CUL7: variants seen among roughly 807,000 people sequenced by gnomAD.
The protein encoded by CUL7 is cullin 7, also known as cullin-7.
In CUL7, 96 loss-of-function variants were observed where a neutral mutation model predicts 177.7. The observed-to-expected ratio is 0.54, with a 90% CI of 0.46 to 0.64. The LOEUF is 0.64. Ranked by LOEUF, CUL7 falls within the 30% of genes least tolerant of loss-of-function variation. The pLI is 0.00. For missense variants in CUL7, 1,893 were observed against 2,187.9 expected (o/e 0.87, Z 2.69); for synonymous variants, 824 against 890.2 (o/e 0.93, Z 1.32).
Position 43,045,016 on chromosome 6 carries a change from C to T in CUL7, c.3039-131G>A. 2 of 1,404,298 alleles carry T rather than the reference C, an allele frequency of 1.4e-6. No individual in the cohort carries two copies. Among genetic ancestry groups the T allele is most frequent in the South Asian group, 1.3e-5 (1 of 76,646 alleles). 87.0% of individuals were successfully genotyped at this position (1,404,298 alleles called of 1,614,324 possible). A position where few individuals can be genotyped will look rare whatever the true frequency, so the allele number is the denominator to read the frequency against. On this transcript the variant is annotated intron_variant, in intron 15 of 25. Coordinates refer to ENST00000265348, the MANE Select transcript of CUL7 (RefSeq NM_014780.5). The surrounding 1 kb of genome is among the most constrained non-coding windows in gnomAD (Gnocchi z 4.8). Reference sequence around the variant, plus strand: ...GGCCCCCTGGTACTTCAGAACTGCTCTGTGCTAACTGGTATATCCCATTCC... The same window carrying T: ...GGCCCCCTGGTACTTCAGAACTGCTTTGTGCTAACTGGTATATCCCATTCC...
chr6:43,051,866 G>A lies in CUL7; in HGVS notation c.581-103C>T, dbSNP rs1764439292. ...TCCAATCCTTTTGCCACCACACAATGAGAAAGAACTGATTTGCTTCAAAAG... is the reference window on the plus strand; with the variant it reads ...TCCAATCCTTTTGCCACCACACAATAAGAAAGAACTGATTTGCTTCAAAAG... On this transcript the variant is annotated intron_variant, in intron 2 of 25. Transcript: ENST00000265348. This position sits in a 1 kb window ranked among gnomAD's most constrained non-coding sequence, Gnocchi z 5.0. 1.4e-6 allele frequency: 2 copies of A among 1,433,208 alleles called. No individual in the cohort carries two copies. The highest frequency in any genetic ancestry group is 2.3e-5 in the East Asian group (1 of 44,020). The allele number at this position is 1,433,208 out of a possible 1,614,324, so 88.8% of individuals were successfully genotyped here.
Position 43,044,860 on chromosome 6 carries a change from G to A in CUL7, c.3064C>T (p.Gln1022Ter), listed in dbSNP as rs1451502922. 3.1e-6 allele frequency: 5 copies of A among 1,613,768 alleles called. No individual in the cohort carries two copies. The highest frequency in any genetic ancestry group is 3.4e-6 in the Non-Finnish European group (4 of 1,179,780). The part of the protein sequence containing the change: ...SRLNGALRQE[Q>*]NFADRFLPDD... ...GGGAGGAAGCGGTCAGCAAAATTCT[G>A]CTCCTGGCGCAGAGCACCGTTGAGT... Residue 1022 changes from glutamine (Q) to a stop codon, truncating the protein, a stop_gained, in exon 16 of 26, where the codon CAG becomes TAG. Coordinates refer to ENST00000265348, the MANE Select transcript of CUL7 (RefSeq NM_014780.5). LOFTEE classifies it high-confidence loss of function.
In CUL7 at chr6:43,042,986, TGGAA is replaced by T; in HGVS notation, c.3463-6_3463-3del. ...GGATGAGGTCAGAAAATTGTTCACC[TGGAA>T]GGAAGGGGCAGGAGCATGAAGACAC... On this transcript the variant is annotated splice_region_variant and splice_polypyrimidine_tract_variant and intron_variant, in intron 18 of 25. Coordinates refer to ENST00000265348, the MANE Select transcript of CUL7 (RefSeq NM_014780.5). 6.2e-7 allele frequency: 1 copy of T among 1,614,168 alleles called. No homozygotes were observed.
Position 43,051,669 on chromosome 6 carries a change from A to G in CUL7, c.675T>C (p.Phe225=). The G allele has an allele frequency of 6.2e-7, 1 of 1,614,164 alleles. No homozygotes were observed. The highest frequency in any genetic ancestry group is 8.5e-7 in the Non-Finnish European group (1 of 1,180,030). ...FDSRCALLAL[F]AQATLSEHPM... The stretch of plus-strand genomic sequence containing the variant: ...GGTGTTCAGAGAGCGTGGCCTGTGC[A>G]AACAGTGCTAGCAGAGCACAGCGGC... The change falls in exon 3 of 26, where the codon TTT becomes TTC. Residue 225 remains phenylalanine, a synonymous_variant. Transcript: ENST00000265348. This position sits in a 1 kb window ranked among gnomAD's most constrained non-coding sequence, Gnocchi z 5.0.
chr6:43,052,708 G>A lies in CUL7; in HGVS notation c.81C>T (p.Arg27=). The change falls in exon 2 of 26, where the codon CGC becomes CGT. Residue 27 remains arginine (R), a synonymous_variant. Coordinates refer to ENST00000265348, the MANE Select transcript of CUL7 (RefSeq NM_014780.5). This position sits in a 1 kb window ranked among gnomAD's most constrained non-coding sequence, Gnocchi z 4.5. ...GATGCCCATCATGGCCCACGCGCTG[G>A]CGGATCAGCTCATCAGGATAGGCAT... ...GLHAYPDELI[R]QRVGHDGHPE... 1 of 1,613,450 alleles carries A rather than the reference G, an allele frequency of 6.2e-7. No individual in the cohort carries two copies. Among genetic ancestry groups the A allele is most frequent in the Non-Finnish European group, 8.5e-7 (1 of 1,180,046 alleles).
In CUL7 at chr6:43,038,839, C is replaced by T. The variant is rs368643336; in HGVS notation, c.4440+3G>A. On this transcript the variant is annotated splice_donor_region_variant and intron_variant, in intron 23 of 25. Coordinates refer to ENST00000265348, the MANE Select transcript of CUL7 (RefSeq NM_014780.5). ...GGAGAGAGGTGCAGCGGGGCTGGGC[C>T]ACCTTCAGGTCGTTGAGATACAGCA... 2.4e-5 allele frequency: 38 copies of T among 1,614,058 alleles called. No homozygotes were observed. Among genetic ancestry groups the T allele is most frequent in the Admixed American group, 3.3e-5 (2 of 59,998 alleles).
chr6:43,039,620 C>T (rs1763239582), intron 22 of CUL7, among the ~76,000 whole-genome samples: 1 of 152,094 alleles, frequency 6.6e-6, no homozygotes, highest in Admixed American at 6.6e-5. Context: ...AGCTCCTGCC[C>T]TTTGTTCTCA....
In CUL7 at chr6:43,045,633, G is replaced by A; in HGVS notation, c.2816C>T (p.Thr939Ile). The change falls in exon 14 of 26, where the codon ACC (threonine) becomes ATC (isoleucine). Residue 939 changes from threonine to isoleucine, a missense_variant. Thr to Ile is a moderately conservative substitution (Grantham distance 89, BLOSUM62 -1). This residue lies in a region of CUL7 where 973 missense variants were observed against 1,140.9 expected (regional missense o/e 0.85). Transcript: ENST00000265348. The surrounding 1 kb of genome is among the most constrained non-coding windows in gnomAD (Gnocchi z 4.8). ...ASRVILLENL[T>I]RFWPIIQIRI... The stretch of plus-strand genomic sequence containing the variant: ...GATCTGGATGATGGGCCAGAAGCGG[G>A]TCAGGTTCTCCAGGAGGATCACCCG... 1 of 1,614,194 alleles carries A rather than the reference G, an allele frequency of 6.2e-7. No individual in the cohort carries two copies. The highest frequency in any genetic ancestry group is 1.1e-5 in the South Asian group (1 of 91,088).
At chr6:43,041,130 T>C (rs551284563) in intron 19 of CUL7, 55 bp from the exon 20 acceptor site, 1 of 1,586,900 alleles carries the variant, frequency 6.3e-7, no homozygotes, top group East Asian at 2.2e-5. Context: ...AGCAGGTGAG[T>C]GGGGAGGAGG....
At position 43,052,552 on chromosome 6, in the gene CUL7, G is replaced by A. The variant is rs761756841; in HGVS notation, c.237C>T (p.His79=). 1.2e-6 allele frequency: 2 copies of A among 1,614,224 alleles called. No homozygotes were observed. Among genetic ancestry groups the A allele is most frequent in the East Asian group, 2.2e-5 (1 of 44,886 alleles). ...CCTGGCCATCCTCGCCCAGCATCTT[G>A]TGGCAGTTGGCATAGATCTCATCCT... ...MSKDEIYANC[H]KMLGEDGQVI... is the part of the protein sequence containing the mutation. Residue 79 remains histidine, a synonymous_variant, in exon 2 of 26, where the codon CAC becomes CAT. Coordinates refer to ENST00000265348, the MANE Select transcript of CUL7 (RefSeq NM_014780.5). The surrounding 1 kb of genome is among the most constrained non-coding windows in gnomAD (Gnocchi z 4.5).
Position 43,053,504 on chromosome 6 carries a change from C to T in CUL7, c.-9+118G>A. ...AAGGTGGGGGAGAGGGGATTAGGCC[C>T]CATAAGCTAGAACCCCGAGGCACGG... On this transcript the variant is annotated intron_variant, in intron 1 of 25. Coordinates refer to ENST00000265348, the MANE Select transcript of CUL7 (RefSeq NM_014780.5). This position sits in a 1 kb window ranked among gnomAD's most constrained non-coding sequence, Gnocchi z 4.1. 1.5e-6 allele frequency: 1 copy of T among 658,122 alleles called. No individual in the cohort carries two copies. The highest frequency in any genetic ancestry group is 2.3e-6 in the Non-Finnish European group (1 of 440,162). The allele number at this position is 658,122 out of a possible 1,614,324, so 40.8% of individuals were successfully genotyped here.
chr6:43,046,939 C>T lies in CUL7; in HGVS notation c.2338G>A (p.Glu780Lys). The T allele has an allele frequency of 1.2e-6, 2 of 1,613,762 alleles. No homozygotes were observed. The highest frequency in any genetic ancestry group is 1.7e-6 in the Non-Finnish European group (2 of 1,179,676). ...QELRDMVFKC[E>K]KHAHLYRKLI... The stretch of plus-strand genomic sequence containing the variant: ...TTGCGGTAGAGGTGGGCATGCTTCT[C>T]ACACTTGAACACCATGTCCCGCAGC... Residue 780 changes from glutamate (E) to lysine (K), a missense_variant, in exon 10 of 26, where the codon GAG becomes AAG. Physicochemically the swap from Glu to Lys is moderately conservative, Grantham distance 56. Around this residue, in one of 5 missense-constraint regions of CUL7, gnomAD observed 973 missense variants for 1,140.9 expected, o/e 0.85. Transcript: ENST00000265348.
intron 7 of CUL7, 71 bp downstream of exon 7, chr6:43,049,336 T>A (rs545134250): frequency 1.2e-6 from 2 of 1,600,054 alleles, no homozygotes; most frequent in East Asian, 4.5e-5. Context: ...TGCATAAAAA[T>A]CAGCACAGAC....
chr6:43,052,023 C>A lies in CUL7; in HGVS notation c.580+186G>T, dbSNP rs1764453575. The A allele has an allele frequency of 1.8e-6, 2 of 1,128,636 alleles. No individual in the cohort carries two copies. Among genetic ancestry groups the A allele is most frequent in the African/African-American group, 3.1e-5 (2 of 63,960 alleles). The allele number at this position is 1,128,636 out of a possible 1,614,324, so 69.9% of individuals were successfully genotyped here. On this transcript the variant is annotated intron_variant, in intron 2 of 25. Coordinates refer to ENST00000265348, the MANE Select transcript of CUL7 (RefSeq NM_014780.5). This position sits in a 1 kb window ranked among gnomAD's most constrained non-coding sequence, Gnocchi z 4.5. ...ATGAGGTTCTTGAAGATAGTCTTTC[C>A]TCTTTTGGCAGATAACCCCCACCCT... is the stretch of plus-strand genomic sequence containing the variant.
chr6:43,040,703 G>A lies in CUL7; in HGVS notation c.3850C>T (p.Leu1284=). 1 of 1,614,174 alleles carries A rather than the reference G, an allele frequency of 6.2e-7. No homozygotes were observed. Among genetic ancestry groups the A allele is most frequent in the Non-Finnish European group, 8.5e-7 (1 of 1,180,050 alleles). ...ATCTGCTCCAGCACGGCCCCCTCCA[G>A]CCAGCTCGAGACCACGCCCAGGAGA... ...DRLLGVVSSW[L]EGAVLEQIGP... is the part of the protein sequence containing the mutation. The change falls in exon 21 of 26, where the codon CTG becomes TTG. Residue 1284 remains leucine, a synonymous_variant. Coordinates refer to ENST00000265348, the MANE Select transcript of CUL7 (RefSeq NM_014780.5). The surrounding 1 kb of genome is among the most constrained non-coding windows in gnomAD (Gnocchi z 4.2).
Position 43,043,606 on chromosome 6 carries a change from C to G in CUL7, c.3197G>C (p.Gly1066Ala). The G allele has an allele frequency of 6.2e-7, 1 of 1,611,192 alleles. No individual in the cohort carries two copies. Among genetic ancestry groups the G allele is most frequent in the South Asian group, 1.1e-5 (1 of 90,630 alleles). Reference sequence around the variant, plus strand: ...CTCCAGGTACTGGTCCAGCAGCCAACCCAGGGGGCTAATGCCATCCTCATC... The same window carrying G: ...CTCCAGGTACTGGTCCAGCAGCCAAGCCAGGGGGCTAATGCCATCCTCATC... ...SPDEDGISPL[G>A]WLLDQYLECQ... The change falls in exon 17 of 26, where the codon GGT (glycine) becomes GCT (alanine). Residue 1066 changes from glycine (G) to alanine (A), a missense_variant. Gly to Ala is a moderately conservative substitution (Grantham distance 60, BLOSUM62 0). Coordinates refer to ENST00000265348, the MANE Select transcript of CUL7 (RefSeq NM_014780.5). This position sits in a 1 kb window ranked among gnomAD's most constrained non-coding sequence, Gnocchi z 4.2.
In CUL7 at chr6:43,040,192, C is replaced by T. The variant is rs369391720; in HGVS notation, c.4258G>A (p.Gly1420Ser). 15 of 1,614,060 alleles carry T rather than the reference C, an allele frequency of 9.3e-6. No homozygotes were observed. The highest frequency in any genetic ancestry group is 1.3e-5 in the African/African-American group (1 of 74,912). Residue 1420 changes from glycine (G) to serine (S), a missense_variant, in exon 22 of 26, where the codon GGC (glycine) becomes AGC (serine). Coordinates refer to ENST00000265348, the MANE Select transcript of CUL7 (RefSeq NM_014780.5). This position sits in a 1 kb window ranked among gnomAD's most constrained non-coding sequence, Gnocchi z 4.2. ...PRTCLPSYLR[G>S]TLNRYSNFYN... The stretch of plus-strand genomic sequence containing the variant: ...AAGTTGGAGTATCTGTTCAAAGTGC[C>T]CCTCAGGTAGGAGGGCAGGCAGGTT...
chr6:43,041,110 G>A, intron 19 of CUL7, 35 bp from the exon 20 acceptor site: 1 of 1,609,390 alleles, frequency 6.2e-7, no homozygotes. Flanking sequence ...AGCCATGAAT[G>A]AGCGAGCAGA....
chr6:43,046,880 C>T lies in CUL7; in HGVS notation c.2397G>A (p.Gln799=). The change falls in exon 10 of 26, where the codon CAG becomes CAA. Residue 799 remains glutamine (Q), a splice_region_variant and synonymous_variant. Transcript: ENST00000265348. ...LITNILGGCI[Q]MVLGQIEDHR... Reference sequence around the variant, plus strand: ...CCCACAAGCTCCCCTTCCTCCTGACCTGGATGCAGCCTCCCAGGATGTTGG... The same window carrying T: ...CCCACAAGCTCCCCTTCCTCCTGACTTGGATGCAGCCTCCCAGGATGTTGG... 1 of 1,587,596 alleles carries T rather than the reference C, an allele frequency of 6.3e-7. No homozygotes were observed. Among genetic ancestry groups the T allele is most frequent in the Non-Finnish European group, 8.7e-7 (1 of 1,155,830 alleles).
Sources: gnomAD v4.1 joint callset for allele counts (sites outside exome capture counted in the v4.1 genomes callset) on GRCh38, gnomAD v4.1.1 for gene constraint, gnomAD v4.1.1 regional missense constraint, Gnocchi (gnomAD v3.1) non-coding constraint, MANE v1.5 for transcripts, NCBI Gene and HGNC (gene_info 2026-07-23, HGNC 2026-07-21) for gene names.